The following FAAH2 variants were observed in gnomAD, a reference collection of about 807,000 sequenced individuals.
The protein encoded by FAAH2 is fatty acid amide hydrolase 2.
In FAAH2, 60 loss-of-function variants were observed where a neutral mutation model predicts 36.9. That is an observed-to-expected ratio of 1.63 (90% CI 1.32 to 2.02). The LOEUF (loss-of-function observed/expected upper bound fraction) is 2.02. Ranked by LOEUF, FAAH2 falls within the 30% of genes most tolerant of loss-of-function variation. The pLI is 0.00. For synonymous variants in FAAH2, 214 were observed against 143.8 expected, an observed-to-expected ratio of 1.49 and a Z score of -3.49; for missense variants, 689 against 397.5, an observed-to-expected ratio of 1.73 and a Z score of -6.23.
intron 5 of FAAH2, among the ~76,000 whole-genome samples, chrX:57,360,434 G>A (rs754195732): frequency 1.0e-4 from 11 of 108,935 alleles, no homozygotes; most frequent in African/African-American, 3.7e-4. Context: ...CTAATTATTT[G>A]TTCTGCTTGA....
intron 2 of FAAH2, among the ~76,000 whole-genome samples, chrX:57,299,548 G>T (rs1027010583): frequency 1.8e-4 from 20 of 111,810 alleles, no homozygotes; most frequent in South Asian, 7.6e-4. Flanking sequence ...ACTGGCACAA[G>T]ACAGGGATGC....
chrX:57,268,168 G>C, the FAAH2 span, among the ~76,000 whole-genome samples: 1 of 111,874 alleles, frequency 8.9e-6, no homozygotes, highest in Non-Finnish European at 1.9e-5. Flanking sequence ...CAACCTGATA[G>C]AGCTGAAAAA....
At chrX:57,478,222 C>T (rs973401640) in intron 10 of FAAH2, among the ~76,000 whole-genome samples, 1 of 111,854 alleles carries the variant, frequency 8.9e-6, no homozygotes, top group Non-Finnish European at 1.9e-5. Flanking sequence ...TTTTGATATG[C>T]ATTTCTCTGA....
At chrX:57,158,445 C>A in the FAAH2 span, among the ~76,000 whole-genome samples, 1 of 112,075 alleles carries the variant, frequency 8.9e-6, no homozygotes, top group Non-Finnish European at 1.9e-5. Context: ...AATGGTTGGA[C>A]TAGTTTACAA....
At position 57,448,734 on chromosome X, in the gene FAAH2, C is replaced by T. The variant is rs752688614; in HGVS notation, c.1423+16C>T. 8.6e-7 allele frequency: 1 copy of T among 1,161,233 alleles called. No homozygotes were observed. The highest frequency in any genetic ancestry group is 2.4e-5 in the Admixed American group (1 of 41,652). On this transcript the variant is annotated intron_variant, in intron 10 of 10. Transcript: ENST00000374900. ...GCTTACACAGGTACCTAATTGTATT[C>T]CTTACATTCTGTAATCTTAAAGAAA...
intron 3 of FAAH2, among the ~76,000 whole-genome samples, chrX:57,329,475 G>A (rs2053332864): frequency 9.1e-6 from 1 of 110,458 alleles, no homozygotes; most frequent in Non-Finnish European, 1.9e-5. Flanking sequence ...GGTACTGTTG[G>A]GGGCAGTGCT....
At chrX:57,324,746 A>G (rs1307843128) in intron 3 of FAAH2, among the ~76,000 whole-genome samples, 1 of 112,081 alleles carries the variant, frequency 8.9e-6, no homozygotes, top group Admixed American at 9.5e-5. Flanking sequence ...TTGGGCAGAG[A>G]TGATGGGGTT....
chrX:57,464,874 A>G (rs1400330983), intron 10 of FAAH2, among the ~76,000 whole-genome samples: 1 of 111,563 alleles, frequency 9.0e-6, no homozygotes. Context: ...AAAAACAATG[A>G]CAACAAAAAC....
chrX:57,420,931 G>A (rs780689729), intron 7 of FAAH2, among the ~76,000 whole-genome samples: 2 of 112,031 alleles, frequency 1.8e-5, no homozygotes, highest in South Asian at 3.7e-4. Context: ...TTAGCATGAA[G>A]GGTTGTTGAA....
intron 8 of FAAH2, among the ~76,000 whole-genome samples, chrX:57,445,201 AGTAGGTGGC>A (rs958629752): frequency 8.9e-6 from 1 of 111,832 alleles, no homozygotes; most frequent in Non-Finnish European, 1.9e-5. Context: ...CCATAACAGC[AGTAGGTGGC>A]GTCTTAAGCT....
intron 7 of FAAH2, among the ~76,000 whole-genome samples, chrX:57,409,294 A>AT (rs1291642864): frequency 9.0e-6 from 1 of 111,427 alleles, no homozygotes; most frequent in Non-Finnish European, 1.9e-5. Flanking sequence ...ACATGGTTGA[A>AT]TTAGGTTTTC....
the FAAH2 span, among the ~76,000 whole-genome samples, chrX:57,240,961 C>T: frequency 8.9e-6 from 1 of 112,022 alleles, no homozygotes; most frequent in South Asian, 3.7e-4. Context: ...TCAACAAAAT[C>T]CAAATCCACC....
At position 57,446,612 on chromosome X, in the gene FAAH2, A is replaced by G. The variant is rs747144842; in HGVS notation, c.1117-316A>G. The stretch of plus-strand genomic sequence containing the variant: ...ACCTCCATAGCCTTAAGTAACCAAG[A>G]ATCTACTTTCTGTCTCTATAGATTT... On this transcript the variant is annotated intron_variant, in intron 8 of 10. Transcript: ENST00000374900. Among the ~76,000 whole-genome samples the G allele has an allele frequency of 9.1e-4, 102 of 111,869 alleles. 1 individual carries two copies. Among genetic ancestry groups the G allele is most frequent in the African/African-American group, 3.2e-3 (99 of 30,806 alleles).
intron 3 of FAAH2, among the ~76,000 whole-genome samples, chrX:57,321,298 G>A (rs1430537283): frequency 9.1e-6 from 1 of 109,533 alleles, no homozygotes; most frequent in Non-Finnish European, 1.9e-5. Context: ...CACAGGGAGG[G>A]GACCATCACA....
intron 10 of FAAH2, among the ~76,000 whole-genome samples, chrX:57,470,740 CA>C (rs1221763044): frequency 1.8e-5 from 2 of 111,699 alleles, no homozygotes. Flanking sequence ...CTCCCTAACT[CA>C]TTTTATGAGG....
intron 8 of FAAH2, among the ~76,000 whole-genome samples, chrX:57,438,910 G>A (rs749885537): frequency 2.8e-3 from 304 of 109,781 alleles, no homozygotes; most frequent in African/African-American, 9.5e-3. Context: ...TTTCATCCAT[G>A]TCCCTACAAA....
chrX:57,213,914 A>G, the FAAH2 span, among the ~76,000 whole-genome samples: 1 of 111,593 alleles, frequency 9.0e-6, no homozygotes, highest in South Asian at 3.8e-4. Flanking sequence ...GCTGTCAATG[A>G]GGTGTTGAAG....
the FAAH2 span, among the ~76,000 whole-genome samples, chrX:57,140,642 T>C: frequency 9.4e-6 from 1 of 106,185 alleles, no homozygotes; most frequent in African/African-American, 3.4e-5. Context: ...CATGGAATAC[T>C]ACACAGCCAC....
intron 7 of FAAH2, among the ~76,000 whole-genome samples, chrX:57,397,594 C>T (rs773032097): frequency 9.0e-5 from 10 of 110,823 alleles, no homozygotes; most frequent in Non-Finnish European, 1.5e-4. Flanking sequence ...TAAAAACAGG[C>T]TCTCAATCTC....
Sources: allele counts gnomAD v4.1 joint callset (sites outside exome capture counted in the v4.1 genomes callset), GRCh38; gene constraint gnomAD v4.1.1; transcripts MANE v1.5; gene names NCBI Gene and HGNC (gene_info 2026-07-23, HGNC 2026-07-21).